PPARA: variants seen among roughly 807,000 people sequenced by gnomAD.
PPARA encodes peroxisome proliferator-activated receptor alpha.
PPARA carries 22 observed loss-of-function variants against 42.2 expected under a neutral mutation model. The ratio of observed to expected loss-of-function variants is 0.52; its 90% CI spans 0.37 to 0.74. The LOEUF is 0.74. PPARA is among the 30% of genes least tolerant of loss of function. The probability of loss-of-function intolerance (pLI) is 0.00; values close to 1 mark genes in which losing one functional copy is unlikely to be tolerated. For missense variants in PPARA, 465 were observed against 608.2 expected (o/e 0.76, Z 2.48); for synonymous variants, 242 against 239.3 (o/e 1.01, Z -0.10).
rs151088418 is a variant in PPARA at position 46,211,144 on chromosome 22, C to T, written c.209-4029C>T. 5.4e-3 allele frequency among the ~76,000 whole-genome samples: 824 copies of T among 152,292 alleles called. 5 individuals carry two copies. The highest frequency in any genetic ancestry group is 0.01 in the Middle Eastern group (3 of 294). On this transcript the variant is annotated intron_variant, in intron 4 of 8. Coordinates refer to ENST00000407236, the MANE Select transcript of PPARA (RefSeq NM_005036.6). The surrounding 1 kb of genome is among the most constrained non-coding windows in gnomAD (Gnocchi z 4.1). ...AATACATATATGTATACATACTAAC[C>T]TATGTCTATACAGGAATCTATCGGT... is the stretch of plus-strand genomic sequence containing the variant.
chr22:46,185,403 G>C (rs779237556), intron 3 of PPARA, among the ~76,000 whole-genome samples: 1 of 152,074 alleles, frequency 6.6e-6, no homozygotes, highest in African/African-American at 2.4e-5. Flanking sequence ...TAACTTTCTA[G>C]AGTGAGGACC....
chr22:46,164,662 C>A (rs1226134301), intron 2 of PPARA: 1 of 152,262 alleles, frequency 6.6e-6, no homozygotes, highest in Non-Finnish European at 1.5e-5. Flanking sequence ...GCACCCTCAG[C>A]TGCTAGAAGG....
chr22:46,202,201 C>T (rs1812571638), intron 4 of PPARA, among the ~76,000 whole-genome samples: 1 of 152,164 alleles, frequency 6.6e-6, no homozygotes, highest in Non-Finnish European at 1.5e-5. Context: ...ATTCTGTGCT[C>T]TCTCCTGACC....
chr22:46,181,950 T>G (rs1930032762), intron 3 of PPARA, among the ~76,000 whole-genome samples: 1 of 152,254 alleles, frequency 6.6e-6, no homozygotes, highest in Non-Finnish European at 1.5e-5. Context: ...GTGATTCTCC[T>G]GCCTCAGCCT....
chr22:46,231,701 T>G lies in PPARA; in HGVS notation c.712-91T>G. 2.2e-6 allele frequency: 3 copies of G among 1,347,682 alleles called. No homozygotes were observed. The highest frequency in any genetic ancestry group is 2.1e-6 in the Non-Finnish European group (2 of 960,254). 83.5% of individuals were successfully genotyped at this position (1,347,682 alleles called of 1,614,324 possible). On this transcript the variant is annotated intron_variant, in intron 7 of 8. Coordinates refer to ENST00000407236, the MANE Select transcript of PPARA (RefSeq NM_005036.6). This position sits in a 1 kb window ranked among gnomAD's most constrained non-coding sequence, Gnocchi z 7.7. The stretch of plus-strand genomic sequence containing the variant: ...CCTCTGAGGCACTGAGCTTGGTGAT[T>G]TGGACGCAGGAGCTGCTCATTAGTG...
At position 46,182,720 on chromosome 22, in the gene PPARA, C is replaced by A. The variant is rs1473498984; in HGVS notation, c.-43+5884C>A. On this transcript the variant is annotated intron_variant, in intron 3 of 8. Coordinates refer to ENST00000407236, the MANE Select transcript of PPARA (RefSeq NM_005036.6). This position sits in a 1 kb window ranked among gnomAD's most constrained non-coding sequence, Gnocchi z 5.2. ...AGATTATTGTATGCCAGTTACATGT[C>A]CATAAAGCTTTCTTTTGTTGTTTTG... Among the ~76,000 whole-genome samples, 1 of 152,032 alleles carries A rather than the reference C, an allele frequency of 6.6e-6. No individual in the cohort carries two copies. The highest frequency in any genetic ancestry group is 1.5e-5 in the Non-Finnish European group (1 of 68,006).
intron 3 of PPARA, among the ~76,000 whole-genome samples, chr22:46,178,396 G>A (rs1929478015): frequency 6.6e-6 from 1 of 152,186 alleles, no homozygotes; most frequent in African/African-American, 2.4e-5. Context: ...TCAAGATGCT[G>A]GACATCAGGC....
chr22:46,218,533 G>C, intron 6 of PPARA, 132 bp downstream of exon 6: 2 of 1,482,694 alleles, frequency 1.3e-6, no homozygotes, highest in Non-Finnish European at 1.9e-6. Context: ...AATCAGAGTG[G>C]CCTAAGAAAA....
chr22:46,171,447 G>T lies in PPARA; in HGVS notation c.-126-5306G>T, dbSNP rs780637317. On this transcript the variant is annotated intron_variant, in intron 2 of 8. Coordinates refer to ENST00000407236, the MANE Select transcript of PPARA (RefSeq NM_005036.6). This position sits in a 1 kb window ranked among gnomAD's most constrained non-coding sequence, Gnocchi z 5.0. The stretch of plus-strand genomic sequence containing the variant: ...GGAGTGATGGAGCAGCTGGCCTGGT[G>T]ACTTAGCCGCCTTCAGGTACAGTAG... The T allele has an allele frequency of 2.0e-5, 3 of 152,830 alleles. No individual in the cohort carries two copies. The highest frequency in any genetic ancestry group is 3.3e-3 in the Middle Eastern group (1 of 300). 9.5% of individuals were successfully genotyped at this position (152,830 alleles called of 1,614,324 possible).
rs1316866129 is a variant in PPARA at position 46,243,740 on chromosome 22, CTA to C, written c.*8362_*8363del. 1 of 152,214 alleles carries C rather than the reference CTA, an allele frequency of 6.6e-6. No homozygotes were observed. Among genetic ancestry groups the C allele is most frequent in the African/African-American group, 2.4e-5 (1 of 41,390 alleles). 9.4% of individuals were successfully genotyped at this position (152,214 alleles called of 1,614,324 possible). On this transcript the variant is annotated 3_prime_UTR_variant, in exon 9 of 9. Transcript: ENST00000407236. The surrounding 1 kb of genome is among the most constrained non-coding windows in gnomAD (Gnocchi z 5.0). ...TGCCTTAATGGTTTTAAAAAATAAA[CTA>C]TTTTTTAAAATTTTTTGGTGAGTTT...
chr22:46,181,401 C>A (rs1929944059), intron 3 of PPARA, among the ~76,000 whole-genome samples: 1 of 152,136 alleles, frequency 6.6e-6, no homozygotes, highest in South Asian at 2.1e-4. Context: ...GAATAAGGTA[C>A]TCTCCTAGCT....
chr22:46,180,277 C>T lies in PPARA; in HGVS notation c.-43+3441C>T, dbSNP rs1195607272. On this transcript the variant is annotated intron_variant, in intron 3 of 8. Coordinates refer to ENST00000407236, the MANE Select transcript of PPARA (RefSeq NM_005036.6). The surrounding 1 kb of genome is among the most constrained non-coding windows in gnomAD (Gnocchi z 4.2). ...TCTCAGCTCACTGCAACCTCTGCCTCCCAATGAATTAGAAAAATAATAATA... is the reference window on the plus strand; with the variant it reads ...TCTCAGCTCACTGCAACCTCTGCCTTCCAATGAATTAGAAAAATAATAATA... Among the ~76,000 whole-genome samples, 2 of 151,242 alleles carry T rather than the reference C, an allele frequency of 1.3e-5. No homozygotes were observed. The highest frequency in any genetic ancestry group is 2.9e-5 in the Non-Finnish European group (2 of 67,916).
In PPARA at chr22:46,204,459, C is replaced by T. The variant is rs1245115336; in HGVS notation, c.208+5868C>T. Reference sequence around the variant, plus strand: ...CATTTCAGAAAAATCTTAGAAAATGCTATACTATGTTATATTCCCACTGGC... The same window carrying T: ...CATTTCAGAAAAATCTTAGAAAATGTTATACTATGTTATATTCCCACTGGC... On this transcript the variant is annotated intron_variant, in intron 4 of 8. Transcript: ENST00000407236. This position sits in a 1 kb window ranked among gnomAD's most constrained non-coding sequence, Gnocchi z 5.2. 1.3e-5 allele frequency among the ~76,000 whole-genome samples: 2 copies of T among 152,156 alleles called. No homozygotes were observed. The highest frequency in any genetic ancestry group is 4.8e-5 in the African/African-American group (2 of 41,416).
chr22:46,221,057 C>T lies in PPARA; in HGVS notation c.711+1043C>T, dbSNP rs1293564596. Among the ~76,000 whole-genome samples the T allele has an allele frequency of 7.3e-6, 1 of 136,550 alleles. No individual in the cohort carries two copies. Among genetic ancestry groups the T allele is most frequent in the African/African-American group, 3.2e-5 (1 of 30,802 alleles). 89.6% of individuals were successfully genotyped at this position (136,550 alleles called of 152,430 possible). On this transcript the variant is annotated intron_variant, in intron 7 of 8. Transcript: ENST00000407236. The surrounding 1 kb of genome is among the most constrained non-coding windows in gnomAD (Gnocchi z 5.9). ...GAAAAGAGGTTTAATTGGCTCGTGG[C>T]CCACAAGGCTGTACAGGAAGCTTCT...
chr22:46,229,568 A>AG (rs1488360479), intron 7 of PPARA, among the ~76,000 whole-genome samples: 1 of 152,168 alleles, frequency 6.6e-6, no homozygotes, highest in East Asian at 1.9e-4. Context: ...CAAAAAAAAA[A>AG]AAAAATTATC....
At position 46,165,961 on chromosome 22, in the gene PPARA, T is replaced by C. The variant is rs1020806942; in HGVS notation, c.-126-10792T>C. On this transcript the variant is annotated intron_variant, in intron 2 of 8. Coordinates refer to ENST00000407236, the MANE Select transcript of PPARA (RefSeq NM_005036.6). The surrounding 1 kb of genome is among the most constrained non-coding windows in gnomAD (Gnocchi z 5.5). ...GGGTGAATTGCTTGAGTCTGGGAGT[T>C]GGAGACCGGCCTGGGCAACATAGAA... Among the ~76,000 whole-genome samples the C allele has an allele frequency of 2.0e-5, 3 of 152,072 alleles. No individual in the cohort carries two copies. Among genetic ancestry groups the C allele is most frequent in the Admixed American group, 6.6e-5 (1 of 15,260 alleles).
rs1184710769 is a variant in PPARA at position 46,172,328 on chromosome 22, A to AAC, written c.-126-4424_-126-4423insCA. Among the ~76,000 whole-genome samples, 5 of 151,838 alleles carry AAC rather than the reference A, an allele frequency of 3.3e-5. No homozygotes were observed. In the South Asian group the frequency reaches 1.0e-3, roughly 32 times the overall value. ...ATGAATGCAAGTAATTAAAAAAAAA[A>AAC]AAAAAAAAAAAACAGCATTGGGCCG... On this transcript the variant is annotated intron_variant, in intron 2 of 8. Coordinates refer to ENST00000407236, the MANE Select transcript of PPARA (RefSeq NM_005036.6).
chr22:46,232,663 A>G lies in PPARA; in HGVS notation c.1159+424A>G, dbSNP rs1270012665. 4.6e-5 allele frequency among the ~76,000 whole-genome samples: 7 copies of G among 151,718 alleles called. No homozygotes were observed. The highest frequency in any genetic ancestry group is 1.7e-4 in the African/African-American group (7 of 41,410). Reference sequence around the variant, plus strand: ...ACAAGACCTATTTCTTTAAAAAAAAATTATATATTTTGCACAAATATATAT... The same window carrying G: ...ACAAGACCTATTTCTTTAAAAAAAAGTTATATATTTTGCACAAATATATAT... On this transcript the variant is annotated intron_variant, in intron 8 of 8. Coordinates refer to ENST00000407236, the MANE Select transcript of PPARA (RefSeq NM_005036.6). The surrounding 1 kb of genome is among the most constrained non-coding windows in gnomAD (Gnocchi z 5.3).
intron 4 of PPARA, among the ~76,000 whole-genome samples, chr22:46,210,687 G>A (rs553445948): frequency 2.2e-4 from 33 of 152,082 alleles, no homozygotes; most frequent in Non-Finnish European, 3.1e-4. Flanking sequence ...CAAGTGATCC[G>A]CCCACCTCGG....
Sources: allele counts gnomAD v4.1 joint callset (sites outside exome capture counted in the v4.1 genomes callset), GRCh38; gene constraint gnomAD v4.1.1; non-coding constraint Gnocchi (gnomAD v3.1); transcripts MANE v1.5; gene names NCBI Gene and HGNC (gene_info 2026-07-23, HGNC 2026-07-21).